FAM234B: variants seen among roughly 807,000 people sequenced by gnomAD.
FAM234B encodes family with sequence similarity 234 member B, also known as protein FAM234B.
FAM234B carries 33 observed loss-of-function variants against 69.3 expected under a neutral mutation model. That is an observed-to-expected ratio of 0.48 (90% CI 0.36 to 0.64). The LOEUF is 0.64. Among genes scored for constraint, FAM234B ranks in the 30% least tolerant of loss-of-function variants. FAM234B has a pLI of 0.00. For missense variants in FAM234B, 697 were observed against 769.7 expected, an observed-to-expected ratio of 0.91 and a Z score of 1.12; for synonymous variants, 306 against 306.9, an observed-to-expected ratio of 1.00 and a Z score of 0.03.
At chr12:13,047,141 T>A (rs183025745) in intron 1 of FAM234B, among the ~76,000 whole-genome samples, 1 of 152,310 alleles carries the variant, frequency 6.6e-6, no homozygotes, top group African/African-American at 2.4e-5. Context: ...AGTCTTGTTA[T>A]GAAAGAGCAG....
Position 13,071,248 on chromosome 12 carries a change from T to C in FAM234B, c.1376T>C (p.Val459Ala). The change falls in exon 10 of 13, where the codon GTT (valine) becomes GCT (alanine). Residue 459 changes from valine to alanine, a missense_variant. Val to Ala is a moderately conservative substitution (Grantham distance 64). Transcript: ENST00000197268. Reference protein sequence around the residue: ...QDGVGMKKMMVVDGDSGSIVW... With the variant: ...QDGVGMKKMMAVDGDSGSIVW... ...CTGTCTTCTCTTTTGTAGATGATGG[T>C]TGTGGATGGTGACTCTGGCTCCATT... 1 of 1,614,132 alleles carries C rather than the reference T, an allele frequency of 6.2e-7. No homozygotes were observed. The highest frequency in any genetic ancestry group is 8.5e-7 in the Non-Finnish European group (1 of 1,180,010).
intron 1 of FAM234B, among the ~76,000 whole-genome samples, chr12:13,046,767 C>G (rs1371888241): frequency 6.6e-6 from 1 of 152,154 alleles, no homozygotes; most frequent in African/African-American, 2.4e-5. Flanking sequence ...CCCCAACATC[C>G]CCACTGTTTT....
Position 13,076,032 on chromosome 12 carries a change from A to G in FAM234B, c.1531A>G (p.Ile511Val). 6.2e-7 allele frequency: 1 copy of G among 1,612,246 alleles called. No homozygotes were observed. The highest frequency in any genetic ancestry group is 8.5e-7 in the Non-Finnish European group (1 of 1,178,450). The change falls in exon 11 of 13, where the codon ATC (isoleucine) becomes GTC (valine). Residue 511 changes from isoleucine (I) to valine (V), a missense_variant. Around this residue, in one of 3 missense-constraint regions of FAM234B, gnomAD observed 313 missense variants for 305.5 expected, o/e 1.02. Coordinates refer to ENST00000197268, the MANE Select transcript of FAM234B (RefSeq NM_020853.2). ...LSAASPNSDIILGTEPPSLHH... is the reference protein window; with the variant it reads ...LSAASPNSDIVLGTEPPSLHH... ...TTTTGCTGCTTATTATCAGGATATC[A>G]TCCTAGGAACTGAGCCGCCCAGCCT...
At chr12:13,054,739 G>C (rs906211584) in intron 1 of FAM234B, among the ~76,000 whole-genome samples, 4 of 152,184 alleles carry the variant, frequency 2.6e-5, no homozygotes, top group African/African-American at 7.2e-5. Context: ...GAGGCCAAGG[G>C]GTGGGTGGCT....
At chr12:13,049,454 A>G (rs2120441870) in intron 1 of FAM234B, among the ~76,000 whole-genome samples, 1 of 152,366 alleles carries the variant, frequency 6.6e-6, no homozygotes, top group Middle Eastern at 3.4e-3. Flanking sequence ...TGCTGGGATT[A>G]CAGGCGTGAG....
rs371654019 is a variant in FAM234B at position 13,061,186 on chromosome 12, T to G, written c.533-389T>G. The stretch of plus-strand genomic sequence containing the variant: ...TTAACTACTTTTTCGCATTCTTGAT[T>G]TTGCTCCTGTCTCTTATTAGGCAAA... On this transcript the variant is annotated intron_variant, in intron 3 of 12. Transcript: ENST00000197268. Among the ~76,000 whole-genome samples the G allele has an allele frequency of 3.3e-4, 50 of 152,280 alleles. No homozygotes were observed. The East Asian group carries it at 4.0e-3, about 12-fold the overall frequency.
intron 10 of FAM234B, among the ~76,000 whole-genome samples, chr12:13,074,932 A>T (rs899038996): frequency 9.2e-5 from 14 of 152,212 alleles, no homozygotes; most frequent in Non-Finnish European, 1.5e-5. Flanking sequence ...AGGTAGTCCC[A>T]GGGGAGGAGA....
intron 3 of FAM234B, among the ~76,000 whole-genome samples, chr12:13,058,951 A>G (rs1263294420): frequency 1.3e-5 from 2 of 152,250 alleles, no homozygotes; most frequent in Non-Finnish European, 2.9e-5. Context: ...ACTTTTGTTC[A>G]TAGACTTATA....
At position 13,071,260 on chromosome 12, in the gene FAM234B, A is replaced by G. The variant is rs1175108353; in HGVS notation, c.1388A>G (p.Asp463Gly). The G allele has an allele frequency of 1.2e-6, 2 of 1,613,808 alleles. No homozygotes were observed. Among genetic ancestry groups the G allele is most frequent in the African/African-American group, 2.7e-5 (2 of 74,816 alleles). ...GMKKMMVVDG[D>G]SGSIVWSYRA... ...TTGTAGATGATGGTTGTGGATGGTGACTCTGGCTCCATTGTTTGGAGTTAC... is the reference window on the plus strand; with the variant it reads ...TTGTAGATGATGGTTGTGGATGGTGGCTCTGGCTCCATTGTTTGGAGTTAC... Residue 463 changes from aspartate (D) to glycine (G), a missense_variant, in exon 10 of 13, where the codon GAC (aspartate) becomes GGC (glycine). Around this residue, in one of 3 missense-constraint regions of FAM234B, gnomAD observed 313 missense variants for 305.5 expected, o/e 1.02. Coordinates refer to ENST00000197268, the MANE Select transcript of FAM234B (RefSeq NM_020853.2).
At chr12:13,065,795 A>G (rs1375906323) in intron 5 of FAM234B, among the ~76,000 whole-genome samples, 1 of 152,252 alleles carries the variant, frequency 6.6e-6, no homozygotes, top group African/African-American at 2.4e-5. Context: ...CCTCTAGGCT[A>G]GTATTGATCC....
chr12:13,047,028 TAGTC>T lies in FAM234B; in HGVS notation c.37+2592_37+2595del, dbSNP rs559867535. ...CTAGTAACCTCTGACATATGTTAAT[TAGTC>T]AGTAAGTGTTAGCTGTTGTCATCAG... On this transcript the variant is annotated intron_variant, in intron 1 of 12. Transcript: ENST00000197268. Among the ~76,000 whole-genome samples the T allele has an allele frequency of 1.6e-4, 24 of 152,300 alleles. 1 individual carries two copies. The South Asian group carries it at 4.8e-3, about 30-fold the overall frequency.
In FAM234B at chr12:13,071,402, T is replaced by G; in HGVS notation, c.1524+6T>G. On this transcript the variant is annotated splice_donor_region_variant and intron_variant, in intron 10 of 12. Transcript: ENST00000197268. ...CAGCTGCATCTCCCAATTCCGTGAG[T>G]GAGCCTGGGAGGGTCCCTTTTTTAC... 1 of 1,613,700 alleles carries G rather than the reference T, an allele frequency of 6.2e-7. No individual in the cohort carries two copies. The highest frequency in any genetic ancestry group is 1.1e-5 in the South Asian group (1 of 91,066).
Position 13,061,579 on chromosome 12 carries a change from C to G in FAM234B, c.537C>G (p.Val179=), listed in dbSNP as rs774445255. 15 of 1,611,700 alleles carry G rather than the reference C, an allele frequency of 9.3e-6. No homozygotes were observed. The highest frequency in any genetic ancestry group is 1.3e-5 in the Non-Finnish European group (15 of 1,178,744). Residue 179 remains valine (V), a synonymous_variant, in exon 4 of 13, where the codon GTC becomes GTG. Transcript: ENST00000197268. ...ATCTCTCTTGTGTGCTTTTAGGTGT[C>G]TCAAGACCAGCTGCTAATCTTGTAT... ...VMSRNGSAVG[V]SRPAANLVCL...
intron 1 of FAM234B, among the ~76,000 whole-genome samples, chr12:13,052,997 G>C (rs1227603808): frequency 6.6e-6 from 1 of 152,110 alleles, no homozygotes; most frequent in East Asian, 1.9e-4. Flanking sequence ...CAAATAATTT[G>C]GTTCATGGAG....
chr12:13,062,543 T>C (rs1864994951), intron 4 of FAM234B: 1 of 239,574 alleles, frequency 4.2e-6, no homozygotes, highest in Non-Finnish European at 8.2e-6. Context: ...TAACAGACAG[T>C]TCCCTCACCC....
intron 10 of FAM234B, among the ~76,000 whole-genome samples, chr12:13,072,378 C>T (rs546644485): frequency 6.6e-6 from 1 of 152,276 alleles, no homozygotes; most frequent in East Asian, 1.9e-4. Context: ...ATTTCAACTT[C>T]CTCCCCACCT....
chr12:13,057,524 A>G (rs1190351022), intron 2 of FAM234B, among the ~76,000 whole-genome samples: 4 of 152,076 alleles, frequency 2.6e-5, no homozygotes, highest in South Asian at 2.1e-4. Flanking sequence ...ATTGCAGTGT[A>G]TAAGAATTTA....
At chr12:13,049,874 A>G (rs7978762) in intron 1 of FAM234B, among the ~76,000 whole-genome samples, 40,491 of 152,084 alleles carry the variant, frequency 0.27, 6,758 homozygotes, top group Non-Finnish European at 0.38. Context: ...ATCTTGTGGA[A>G]TGAGTACTAA....
intron 2 of FAM234B, among the ~76,000 whole-genome samples, chr12:13,056,197 G>A (rs1864929131): frequency 6.6e-6 from 1 of 152,126 alleles, no homozygotes; most frequent in South Asian, 2.1e-4. Flanking sequence ...GACAGGGCTG[G>A]TTTGCTGGAT....
Sources: allele counts gnomAD v4.1 joint callset (sites outside exome capture counted in the v4.1 genomes callset), GRCh38; gene constraint gnomAD v4.1.1; regional missense constraint gnomAD v4.1.1; transcripts MANE v1.5; gene names NCBI Gene and HGNC (gene_info 2026-07-23, HGNC 2026-07-21).